The following TRIP12 variants were observed in gnomAD, a reference collection of about 807,000 sequenced individuals.
TRIP12 encodes the protein thyroid hormone receptor interactor 12.
Under a neutral mutation model 244.2 loss-of-function variants are expected in TRIP12, and 25 were observed. The observed-to-expected ratio is 0.10, with a 90% CI of 0.07 to 0.14. TRIP12 has a LOEUF of 0.14. TRIP12 is among the 10% of genes least tolerant of loss of function. TRIP12 has a pLI of 1.00. For missense variants in TRIP12, 1,677 were observed against 2,486.4 expected, an observed-to-expected ratio of 0.67 and a Z score of 6.92; for synonymous variants, 905 against 873.1, an observed-to-expected ratio of 1.04 and a Z score of -0.64.
intron 5 of TRIP12, 121 bp from the exon 6 acceptor site, chr2:229,837,105 T>C: frequency 3.7e-6 from 4 of 1,073,312 alleles, no homozygotes; most frequent in East Asian, 3.1e-5. Context: ...TCTTTTTAAA[T>C]AAAAGTAAGT....
intron 1 of TRIP12, among the ~76,000 whole-genome samples, 160 bp from the exon 2 acceptor site, chr2:229,880,288 T>G (rs972957074): frequency 6.6e-6 from 1 of 152,246 alleles, no homozygotes; most frequent in African/African-American, 2.4e-5. Flanking sequence ...GAAGTCTGAC[T>G]GATCAACGTG....
chr2:229,840,117 T>C (rs1054000267), intron 5 of TRIP12, among the ~76,000 whole-genome samples: 1 of 152,166 alleles, frequency 6.6e-6, no homozygotes, highest in Non-Finnish European at 1.5e-5. Context: ...ATCACACTAT[T>C]GGGAAATTTA....
chr2:229,779,665 C>T (rs1403993580), intron 34 of TRIP12, among the ~76,000 whole-genome samples: 2 of 152,124 alleles, frequency 1.3e-5, no homozygotes, highest in Non-Finnish European at 2.9e-5. Context: ...TTCTCAACTC[C>T]CAGGGTGCAC....
chr2:229,777,214 A>G, intron 37 of TRIP12, 101 bp downstream of exon 37: 1 of 1,305,938 alleles, frequency 7.7e-7, no homozygotes. Flanking sequence ...TCTAAAATAA[A>G]ACATTAATAT....
chr2:229,843,560 C>G (rs947649460), intron 4 of TRIP12, among the ~76,000 whole-genome samples: 1 of 152,058 alleles, frequency 6.6e-6, no homozygotes, highest in Admixed American at 6.6e-5. Flanking sequence ...CTTGTCCTCA[C>G]AAGAAAACCA....
chr2:229,843,945 A>G (rs2057049612), intron 4 of TRIP12, among the ~76,000 whole-genome samples: 1 of 151,674 alleles, frequency 6.6e-6, no homozygotes, highest in Non-Finnish European at 1.5e-5. Flanking sequence ...AAAAAAGAAC[A>G]TGTATTCCTA....
chr2:229,898,212 AG>A (rs1288350840), intron 1 of TRIP12, among the ~76,000 whole-genome samples: 1 of 152,250 alleles, frequency 6.6e-6, no homozygotes, highest in Non-Finnish European at 1.5e-5. Flanking sequence ...TAATAGTCTT[AG>A]GTAAGCAGGC....
intron 2 of TRIP12, among the ~76,000 whole-genome samples, chr2:229,864,045 AGAGTGTGTGTGTGTGT>A (rs1310382547): frequency 4.5e-5 from 3 of 67,220 alleles, no homozygotes; most frequent in African/African-American, 1.6e-4. Context: ...AGAGAGAGAG[AGAGTGTGTGTGTGTGT>A]GTGTGTGTGT....
At chr2:229,904,439 T>A (rs1160920701) in intron 1 of TRIP12, among the ~76,000 whole-genome samples, 29 of 108,944 alleles carry the variant, frequency 2.7e-4, no homozygotes, top group Non-Finnish European at 3.1e-4. Flanking sequence ...AAAAAAAAAA[T>A]TTTAATCTGA....
chr2:229,822,718 A>G (rs1469875926), intron 8 of TRIP12, among the ~76,000 whole-genome samples: 2 of 152,122 alleles, frequency 1.3e-5, no homozygotes, highest in South Asian at 2.1e-4. Context: ...GGAATATGGG[A>G]CTGAGAATTA....
chr2:229,787,431 A>G lies in TRIP12; in HGVS notation c.4995+74T>C, dbSNP rs1020846890. On this transcript the variant is annotated intron_variant, in intron 33 of 41. Transcript: ENST00000675903. Reference sequence around the variant, plus strand: ...CTCCAAGACCAACATGCATATTTAGATATACTACATTTCTAGTTTTTCCCA... The same window carrying G: ...CTCCAAGACCAACATGCATATTTAGGTATACTACATTTCTAGTTTTTCCCA... The G allele has an allele frequency of 5.4e-6, 8 of 1,495,276 alleles. No individual in the cohort carries two copies. The African/African-American group carries it at 5.6e-5, about 11-fold the overall frequency. 92.6% of individuals were successfully genotyped at this position (1,495,276 alleles called of 1,614,324 possible).
chr2:229,919,205 C>A (rs555290044), intron 1 of TRIP12, among the ~76,000 whole-genome samples: 2 of 152,040 alleles, frequency 1.3e-5, no homozygotes, highest in Non-Finnish European at 2.9e-5. Flanking sequence ...CCTGAGAGGT[C>A]GGGAGTTCGA....
intron 2 of TRIP12, among the ~76,000 whole-genome samples, chr2:229,872,104 TAAAAAAA>T (rs34496202): frequency 1.5e-4 from 16 of 105,278 alleles, no homozygotes; most frequent in African/African-American, 2.4e-4. Flanking sequence ...ACAGATATTG[TAAAAAAA>T]AAAAAAAAAA....
chr2:229,830,125 A>C (rs1264088127), intron 7 of TRIP12, among the ~76,000 whole-genome samples: 1 of 152,246 alleles, frequency 6.6e-6, no homozygotes, highest in Non-Finnish European at 1.5e-5. Context: ...ATACCCATCC[A>C]TACATAGTAT....
At chr2:229,903,788 G>C (rs6739819) in intron 1 of TRIP12, among the ~76,000 whole-genome samples, 38,164 of 150,300 alleles carry the variant, frequency 0.25, 5,957 homozygotes, top group Middle Eastern at 0.43. Context: ...TGCCAAAGCA[G>C]ACAGATCACT....
At chr2:229,846,184 T>A (rs917212406) in intron 4 of TRIP12, among the ~76,000 whole-genome samples, 3 of 152,094 alleles carry the variant, frequency 2.0e-5, no homozygotes, top group Non-Finnish European at 4.4e-5. Flanking sequence ...TGACTCCAAT[T>A]CTCAAAGAAG....
intron 2 of TRIP12, among the ~76,000 whole-genome samples, chr2:229,861,259 C>A (rs1361948934): frequency 1.3e-5 from 2 of 152,048 alleles, no homozygotes; most frequent in African/African-American, 4.8e-5. Flanking sequence ...ATCCTTATGC[C>A]AGCACTATTC....
rs1276977549 is a variant in TRIP12 at position 229,829,277 on chromosome 2, C to A, written c.1366G>T (p.Ala456Ser). 5.6e-6 allele frequency: 9 copies of A among 1,611,730 alleles called. No homozygotes were observed. ...AATAGGTGAGGGGGAAGACCCCTTG[C>A]CTCTAACAAAGCTAAAGAAAAAAGA... is the stretch of plus-strand genomic sequence containing the variant. ...EMGRLQALLE[A>S]RGLPPHLFGP... Residue 456 changes from alanine to serine, a missense_variant, in exon 8 of 42, where the codon GCA becomes TCA. This residue lies in a region of TRIP12 where 143 missense variants were observed against 215.6 expected (regional missense o/e 0.66). Transcript: ENST00000675903.
chr2:229,820,733 C>T (rs954385280), intron 8 of TRIP12, among the ~76,000 whole-genome samples: 1 of 152,152 alleles, frequency 6.6e-6, no homozygotes, highest in African/African-American at 2.4e-5. Flanking sequence ...GGATTACAGG[C>T]ACAAGCCAAC....
Sources: gnomAD v4.1 joint callset for allele counts (sites outside exome capture counted in the v4.1 genomes callset) on GRCh38, gnomAD v4.1.1 for gene constraint, gnomAD v4.1.1 regional missense constraint, MANE v1.5 for transcripts, NCBI Gene and HGNC (gene_info 2026-07-23, HGNC 2026-07-21) for gene names.